BLM: variants seen among roughly 807,000 people sequenced by gnomAD.
BLM encodes the protein recQ-like DNA helicase BLM.
In BLM, 95 loss-of-function variants were observed where a neutral mutation model predicts 135.3. The ratio of observed to expected loss-of-function variants is 0.70; its 90% CI spans 0.59 to 0.83. The LOEUF (loss-of-function observed/expected upper bound fraction) is 0.83, where lower values mean the gene tolerates loss of function less well. BLM is among the 40% of genes least tolerant of loss of function. BLM has a pLI of 0.00. For synonymous variants in BLM, 520 were observed against 589.2 expected (o/e 0.88, Z 1.70); for missense variants, 1,518 against 1,663.9 (o/e 0.91, Z 1.53).
At chr15:90,813,372 G>T (rs781195945) in intron 21 of BLM, among the ~76,000 whole-genome samples, 9 of 152,130 alleles carry the variant, frequency 5.9e-5, no homozygotes, top group Admixed American at 3.3e-4. Flanking sequence ...TTTTCAGTGA[G>T]CCTGGGTGTT....
At chr15:90,755,889 T>C (rs1895804154) in intron 5 of BLM, among the ~76,000 whole-genome samples, 1 of 152,164 alleles carries the variant, frequency 6.6e-6, no homozygotes, top group Non-Finnish European at 1.5e-5. Context: ...GCTGCTGGGC[T>C]TTTTTAGCGA....
chr15:90,815,384 C>A lies in BLM; in HGVS notation c.*105C>A. 1 of 1,225,488 alleles carries A rather than the reference C, an allele frequency of 8.2e-7. No homozygotes were observed. Among genetic ancestry groups the A allele is most frequent in the Non-Finnish European group, 1.2e-6 (1 of 847,494 alleles). The allele number at this position is 1,225,488 out of a possible 1,614,324, so 75.9% of individuals were successfully genotyped here. ...TGTTATACCATTTGAAGTTTTTACTCGTCTCTATTAATATTTAAATAAATG... is the reference window on the plus strand; with the variant it reads ...TGTTATACCATTTGAAGTTTTTACTAGTCTCTATTAATATTTAAATAAATG... On this transcript the variant is annotated 3_prime_UTR_variant, in exon 22 of 22. Coordinates refer to ENST00000355112, the MANE Select transcript of BLM (RefSeq NM_000057.4). The surrounding 1 kb of genome is among the most constrained non-coding windows in gnomAD (Gnocchi z 4.6).
chr15:90,753,626 A>G (rs922807515), intron 4 of BLM, among the ~76,000 whole-genome samples: 18 of 152,216 alleles, frequency 1.2e-4, no homozygotes, highest in Non-Finnish European at 2.6e-4. Flanking sequence ...AATTTTCACA[A>G]TATTTTTTGT....
intron 21 of BLM, among the ~76,000 whole-genome samples, chr15:90,814,401 A>G (rs570900525): frequency 3.3e-5 from 5 of 152,308 alleles, no homozygotes; most frequent in Non-Finnish European, 7.4e-5. Context: ...GTCTGCAAGG[A>G]AAGTGAGATG....
rs191496289 is a variant in BLM at position 90,751,260 on chromosome 15, C to G, written c.800-527C>G. Among the ~76,000 whole-genome samples, 29 of 152,212 alleles carry G rather than the reference C, an allele frequency of 1.9e-4. No homozygotes were observed. In the East Asian group the frequency reaches 3.5e-3, roughly 18 times the overall value. On this transcript the variant is annotated intron_variant, in intron 3 of 21. Transcript: ENST00000355112. ...TGAGAGAGCACTGAAAAGTGATTGA[C>G]GATAAGCAAAACTATAGTCTCATCA... is the stretch of plus-strand genomic sequence containing the variant.
chr15:90,729,385 C>G (rs1895006291), intron 1 of BLM, among the ~76,000 whole-genome samples: 1 of 152,182 alleles, frequency 6.6e-6, no homozygotes, highest in South Asian at 2.1e-4. Context: ...GTTCAGAAGT[C>G]TGAATGGGTT....
At chr15:90,778,780 T>A (rs1896542329) in intron 12 of BLM, among the ~76,000 whole-genome samples, 2 of 152,236 alleles carry the variant, frequency 1.3e-5, no homozygotes, top group Admixed American at 6.5e-5. Context: ...AATGCTGGTA[T>A]AATCATACAT....
intron 1 of BLM, among the ~76,000 whole-genome samples, chr15:90,744,689 T>C (rs1292036321): frequency 6.7e-6 from 1 of 148,188 alleles, no homozygotes; most frequent in Non-Finnish European, 1.5e-5. Context: ...ACTTTTAAAC[T>C]GGATTCCAAA....
At chr15:90,750,456 A>G (rs1448001761) in intron 3 of BLM, among the ~76,000 whole-genome samples, 1 of 152,198 alleles carries the variant, frequency 6.6e-6, no homozygotes, top group African/African-American at 2.4e-5. Context: ...GCGACAGTCA[A>G]TCTGATAACT....
chr15:90,769,763 T>A (rs1157302370), intron 12 of BLM, among the ~76,000 whole-genome samples, 177 bp downstream of exon 12: 1 of 151,648 alleles, frequency 6.6e-6, no homozygotes, highest in Non-Finnish European at 1.5e-5. Flanking sequence ...GAGCCAGTAT[T>A]TTTTTAAAAA....
chr15:90,810,792 T>C (rs1897396018), intron 20 of BLM, among the ~76,000 whole-genome samples: 1 of 152,216 alleles, frequency 6.6e-6, no homozygotes, highest in Non-Finnish European at 1.5e-5. Flanking sequence ...GTTTCCCTTA[T>C]ATTGAGCTGA....
In BLM at chr15:90,782,870, G is replaced by A. The variant is rs768447097; in HGVS notation, c.2604G>A (p.Pro868=). The change falls in exon 13 of 22, where the codon CCG becomes CCA. Residue 868 remains proline (P), a synonymous_variant. Transcript: ENST00000355112. ...ATAATCTGAAATACTATGTATTACC[G>A]AAAAAGCCTAAAAAGGTGGCATTTG... ...NRHNLKYYVL[P]KKPKKVAFDC... The A allele has an allele frequency of 7.4e-6, 12 of 1,613,722 alleles. No individual in the cohort carries two copies. Among genetic ancestry groups the A allele is most frequent in the African/African-American group, 5.3e-5 (4 of 74,902 alleles).
At chr15:90,763,621 A>G (rs758297447) in intron 8 of BLM, among the ~76,000 whole-genome samples, 1 of 152,220 alleles carries the variant, frequency 6.6e-6, no homozygotes, top group Non-Finnish European at 1.5e-5. Flanking sequence ...GTGTGGCCAC[A>G]TGCAAGGCAC....
intron 14 of BLM, 187 bp from the exon 15 acceptor site, chr15:90,790,462 G>A (rs1310549343): frequency 1.5e-5 from 9 of 618,636 alleles, no homozygotes; most frequent in Non-Finnish European, 2.5e-5. Context: ...TAATGGCATT[G>A]CAAGTTATCA....
chr15:90,745,273 A>G (rs1273138152), intron 1 of BLM, among the ~76,000 whole-genome samples: 1 of 152,210 alleles, frequency 6.6e-6, no homozygotes, highest in Non-Finnish European at 1.5e-5. Context: ...ATTGGATTGA[A>G]ACACACCTAA....
At position 90,769,549 on chromosome 15, in the gene BLM, G is replaced by A. The variant is rs1238410843; in HGVS notation, c.2518G>A (p.Asp840Asn). ...CACAGCTAATCCCAGGGTACAGAAG[G>A]ACATCCTGACTCAGCTGAAGATTCT... ...TATANPRVQK[D>N]ILTQLKILRP... Residue 840 changes from aspartate (D) to asparagine (N), a missense_variant, in exon 12 of 22, where the codon GAC becomes AAC. Physicochemically the swap from Asp to Asn is conservative, Grantham distance 23. Coordinates refer to ENST00000355112, the MANE Select transcript of BLM (RefSeq NM_000057.4). 3.1e-6 allele frequency: 5 copies of A among 1,613,958 alleles called. No individual in the cohort carries two copies. In the African/African-American group the frequency reaches 5.3e-5, roughly 17 times the overall value.
intron 2 of BLM, 122 bp from the exon 3 acceptor site, chr15:90,749,245 C>G: frequency 1.4e-6 from 1 of 696,516 alleles, no homozygotes; most frequent in South Asian, 1.9e-5. Flanking sequence ...GAGATGGATT[C>G]TTTGCTCAGT....
At chr15:90,760,555 T>G (rs1475331424) in intron 6 of BLM, 39 bp from the exon 7 acceptor site, 2 of 1,562,212 alleles carry the variant, frequency 1.3e-6, no homozygotes, top group East Asian at 2.2e-5. Flanking sequence ...CAGAGTAAAC[T>G]ACTTATATTT....
intron 5 of BLM, 175 bp from the exon 6 acceptor site, chr15:90,759,972 T>TTTTTG: frequency 4.2e-6 from 2 of 473,650 alleles, no homozygotes; most frequent in South Asian, 2.9e-5. Context: ...TTTTTTTTTT[T>TTTTTG]AGTGACAGGG....
Sources: allele counts gnomAD v4.1 joint callset (sites outside exome capture counted in the v4.1 genomes callset), GRCh38; gene constraint gnomAD v4.1.1; non-coding constraint Gnocchi (gnomAD v3.1); transcripts MANE v1.5; gene names NCBI Gene and HGNC (gene_info 2026-07-23, HGNC 2026-07-21).